Variants in ANK1 observed in about 807,000 individuals in gnomAD.
The protein encoded by ANK1 is ankyrin-1.
Under a neutral mutation model 210.4 loss-of-function variants are expected in ANK1, and 51 were observed. The observed-to-expected ratio is 0.24, with a 90% CI of 0.19 to 0.31. ANK1 has a LOEUF of 0.31. Ranked by LOEUF, ANK1 falls within the 10% of genes least tolerant of loss-of-function variation. The pLI, the probability that ANK1 is intolerant of heterozygous loss-of-function variation, is 1.00. For synonymous variants in ANK1, 967 were observed against 1,025.9 expected (o/e 0.94, Z 1.10); for missense variants, 2,051 against 2,504.4 (o/e 0.82, Z 3.86).
chr8:41,736,511 T>C (rs1833449379), intron 2 of ANK1, among the ~76,000 whole-genome samples: 1 of 152,210 alleles, frequency 6.6e-6, no homozygotes, highest in Non-Finnish European at 1.5e-5. Context: ...TGTTTGTGGC[T>C]GTCGGCATGG....
At position 41,675,727 on chromosome 8, in the gene ANK1, C is replaced by A. The variant is rs74767039; in HGVS notation, c.4538-2815G>T. On this transcript the variant is annotated intron_variant, in intron 37 of 42. Transcript: ENST00000289734. Reference sequence around the variant, plus strand: ...ATTTGTCACCCCAGAAAGGTCTCCTCAAGCTTCTTTGTAATCTCTCCCTGC... The same window carrying A: ...ATTTGTCACCCCAGAAAGGTCTCCTAAAGCTTCTTTGTAATCTCTCCCTGC... Among the ~76,000 whole-genome samples the A allele has an allele frequency of 1.6e-4, 24 of 152,324 alleles. 1 individual carries two copies. In the East Asian group the frequency reaches 4.6e-3, roughly 29 times the overall value.
chr8:41,715,580 A>G, intron 14 of ANK1, 72 bp downstream of exon 14: 1 of 1,571,412 alleles, frequency 6.4e-7, no homozygotes, highest in South Asian at 1.1e-5. Context: ...CCAGGCAGGA[A>G]TTCCCCTCCG....
At chr8:41,893,641 C>T (rs548429602) in intron 1 of ANK1, among the ~76,000 whole-genome samples, 11 of 152,308 alleles carry the variant, frequency 7.2e-5, no homozygotes, top group South Asian at 6.2e-4. Context: ...AGGTTACCCG[C>T]GGGACAAACA....
intron 1 of ANK1, among the ~76,000 whole-genome samples, chr8:41,848,231 A>T (rs957994496): frequency 3.3e-5 from 4 of 122,660 alleles, no homozygotes; most frequent in African/African-American, 1.2e-4. Context: ...AATAAATAAA[A>T]CTGTGCAATA....
At chr8:41,720,607 C>A (rs1216568908) in intron 9 of ANK1, among the ~76,000 whole-genome samples, 1 of 152,030 alleles carries the variant, frequency 6.6e-6, no homozygotes, top group African/African-American at 2.4e-5. Flanking sequence ...AACCCCTGAC[C>A]CAAGGAAGCT....
At chr8:41,880,898 A>G (rs1817469360) in intron 1 of ANK1, among the ~76,000 whole-genome samples, 1 of 152,362 alleles carries the variant, frequency 6.6e-6, no homozygotes, top group South Asian at 2.1e-4. Flanking sequence ...TTGCTGCCTT[A>G]CTTGGTAGGG....
At chr8:41,887,342 CT>C (rs1818646808) in intron 1 of ANK1, among the ~76,000 whole-genome samples, 1 of 145,364 alleles carries the variant, frequency 6.9e-6, no homozygotes, top group Admixed American at 7.1e-5. Context: ...TTGAACTCCC[CT>C]GGGCTCAAGT....
chr8:41,731,615 C>T (rs1203299442), intron 3 of ANK1, among the ~76,000 whole-genome samples: 4 of 151,832 alleles, frequency 2.6e-5, no homozygotes, highest in Admixed American at 2.0e-4. Context: ...GCCTGGGAGC[C>T]CCATCACAGT....
chr8:41,767,238 G>T (rs900777456), intron 1 of ANK1, among the ~76,000 whole-genome samples: 1 of 151,938 alleles, frequency 6.6e-6, no homozygotes, highest in Non-Finnish European at 1.5e-5. Flanking sequence ...AGCCGGGCGC[G>T]GAGCCACAAC....
At chr8:41,837,973 T>C (rs1014735213) in intron 1 of ANK1, among the ~76,000 whole-genome samples, 2 of 152,194 alleles carry the variant, frequency 1.3e-5, no homozygotes, top group Non-Finnish European at 2.9e-5. Context: ...ACCTGAGTTT[T>C]AGAGGAGGGG....
chr8:41,773,059 C>A (rs34116520), intron 1 of ANK1, among the ~76,000 whole-genome samples: 4,047 of 152,258 alleles, frequency 0.027, 82 homozygotes, highest in Non-Finnish European at 0.042. Context: ...AGCCTGACCC[C>A]CCCTAAACCT....
intron 2 of ANK1, among the ~76,000 whole-genome samples, chr8:41,741,136 G>A (rs1442544567): frequency 1.3e-5 from 2 of 152,148 alleles, no homozygotes; most frequent in South Asian, 2.1e-4. Flanking sequence ...GTAGGGGAGG[G>A]GAGGCCTGTT....
At chr8:41,842,873 A>T (rs1809243066) in intron 1 of ANK1, among the ~76,000 whole-genome samples, 1 of 152,022 alleles carries the variant, frequency 6.6e-6, no homozygotes, top group Non-Finnish European at 1.5e-5. Context: ...TTTGAGACGG[A>T]TCTCCTTCTG....
At chr8:41,790,433 C>T (rs1475802739) in intron 1 of ANK1, among the ~76,000 whole-genome samples, 2 of 152,166 alleles carry the variant, frequency 1.3e-5, no homozygotes, top group Non-Finnish European at 2.9e-5. Context: ...AGGCATCAGC[C>T]ACCACACCCG....
At chr8:41,681,708 G>C (rs1816092234) in intron 37 of ANK1, among the ~76,000 whole-genome samples, 2 of 152,168 alleles carry the variant, frequency 1.3e-5, no homozygotes, top group African/African-American at 4.8e-5. Flanking sequence ...CCAGGGAAGA[G>C]CAGAGAAGCT....
In ANK1 at chr8:41,876,471, G is replaced by A. The variant is rs147042002; in HGVS notation, c.126+19884C>T. Among the ~76,000 whole-genome samples the A allele has an allele frequency of 6.3e-3, 955 of 152,346 alleles. 7 individuals are homozygous for A. The highest frequency in any genetic ancestry group is 0.022 in the African/African-American group (912 of 41,584). On this transcript the variant is annotated intron_variant, in intron 1 of 42. Coordinates refer to the ANK1 transcript ENST00000265709. ...AACCTTGAAACCTCACAGGCACATGGAGAGGTCAAGGAGGAACTGATGACC... is the reference window on the plus strand; with the variant it reads ...AACCTTGAAACCTCACAGGCACATGAAGAGGTCAAGGAGGAACTGATGACC...
Position 41,763,889 on chromosome 8 carries a change from C to CTTTTTTTTTTTTTTTTTTTTTTT in ANK1, c.28-5775_28-5753dup. 2.1e-3 allele frequency among the ~76,000 whole-genome samples: 123 copies of CTTTTTTTTTTTTTTTTTTTTTTT among 57,828 alleles called. 1 individual carries two copies. The highest frequency in any genetic ancestry group is 2.4e-3 in the African/African-American group (34 of 14,402). 37.9% of individuals were successfully genotyped at this position (57,828 alleles called of 152,430 possible). A position where few individuals can be genotyped will look rare whatever the true frequency, so the allele number is the denominator to read the frequency against. ...TTCTTCTTTCTTTTTTTCTTTTTTT[C>CTTTTTTTTTTTTTTTTTTTTTTT]TTTTTTTTTTTTTTTTTTTTTTTTT... is the stretch of plus-strand genomic sequence containing the variant. On this transcript the variant is annotated intron_variant, in intron 1 of 42. Transcript: ENST00000289734.
At chr8:41,705,995 G>T in intron 18 of ANK1, 148 bp downstream of exon 18, 1 of 775,640 alleles carries the variant, frequency 1.3e-6, no homozygotes, top group Non-Finnish European at 2.2e-6. Context: ...ATTAGGAGTA[G>T]TGTTTTCAAA....
chr8:41,676,979 A>T (rs573597990), intron 37 of ANK1, among the ~76,000 whole-genome samples: 2 of 152,184 alleles, frequency 1.3e-5, no homozygotes, highest in South Asian at 4.2e-4. Context: ...CTGGGCATGG[A>T]CTTTTCTTTG....
Sources: allele counts gnomAD v4.1 joint callset (sites outside exome capture counted in the v4.1 genomes callset), GRCh38; gene constraint gnomAD v4.1.1; transcripts MANE v1.5; gene names NCBI Gene and HGNC (gene_info 2026-07-23, HGNC 2026-07-21).